Variants in DLGAP2 observed in about 807,000 individuals in gnomAD.
DLGAP2 encodes disks large-associated protein 2.
In DLGAP2, 26 loss-of-function variants were observed where a neutral mutation model predicts 100.3. The ratio of observed to expected loss-of-function variants is 0.26; its 90% CI spans 0.19 to 0.36. The LOEUF (loss-of-function observed/expected upper bound fraction) is 0.36. Among genes scored for constraint, DLGAP2 ranks in the 10% least tolerant of loss-of-function variants. The pLI, the probability that DLGAP2 is intolerant of heterozygous loss-of-function variation, is 1.00. For synonymous variants in DLGAP2, 886 were observed against 630.1 expected (o/e 1.41, Z -6.08); for missense variants, 1,858 against 1,453.2 (o/e 1.28, Z -4.53).
chr8:1,064,179 C>T (rs1003362758), intron 2 of DLGAP2, among the ~76,000 whole-genome samples: 1 of 152,092 alleles, frequency 6.6e-6, no homozygotes, highest in Non-Finnish European at 1.5e-5. Flanking sequence ...AATTCTTGCT[C>T]CCAATTTGCA....
At chr8:902,851 G>GGT (rs1472727894) in intron 1 of DLGAP2, among the ~76,000 whole-genome samples, 1 of 44,766 alleles carries the variant, frequency 2.2e-5, no homozygotes, top group Non-Finnish European at 4.5e-5. Flanking sequence ...TGTTCGGGTA[G>GGT]GGGGGCGGGG....
At chr8:1,201,960 GGT>G (rs1329318884) in intron 2 of DLGAP2, among the ~76,000 whole-genome samples, 4 of 105,112 alleles carry the variant, frequency 3.8e-5, no homozygotes, top group Non-Finnish European at 9.3e-5. Context: ...GTACACATGT[GGT>G]GTGTACAGTA....
In DLGAP2 at chr8:932,205, C is replaced by G. The variant is rs564652885; in HGVS notation, c.73+24239C>G. Among the ~76,000 whole-genome samples, 56 of 152,308 alleles carry G rather than the reference C, an allele frequency of 3.7e-4. 2 individuals carry two copies. The highest frequency in any genetic ancestry group is 1.3e-3 in the African/African-American group (52 of 41,548). On this transcript the variant is annotated intron_variant, in intron 2 of 14. Coordinates refer to ENST00000637795, the MANE Select transcript of DLGAP2 (RefSeq NM_001346810.2). The stretch of plus-strand genomic sequence containing the variant: ...CTTTGGCCTCTAGACACTTTCCTGA[C>G]CAAAGTCCATAAACACACATGCAGT...
intron 13 of DLGAP2, among the ~76,000 whole-genome samples, chr8:1,696,879 A>G (rs761932811): frequency 6.6e-6 from 1 of 152,228 alleles, no homozygotes; most frequent in Non-Finnish European, 1.5e-5. Context: ...TGAAGCATTT[A>G]GAAACTCTCC....
rs148284458 is a variant in DLGAP2, at chr8:1,259,406, T to G, written c.106+523T>G. Among the ~76,000 whole-genome samples the G allele has an allele frequency of 3.4e-3, 519 of 152,364 alleles. 2 individuals carry two copies. Among genetic ancestry groups the G allele is most frequent in the South Asian group, 0.018 (86 of 4,830 alleles). On this transcript the variant is annotated intron_variant, in intron 3 of 14. Transcript: ENST00000637795. The stretch of plus-strand genomic sequence containing the variant: ...AAGTAGGGCCCCTGAGTCTGTCATT[T>G]GTTGACTGTTTGGAACTAGTGAAAG...
intron 2 of DLGAP2, among the ~76,000 whole-genome samples, chr8:960,074 C>T (rs1052387559): frequency 1.3e-5 from 2 of 151,916 alleles, no homozygotes; most frequent in Non-Finnish European, 2.9e-5. Flanking sequence ...TAGTTAGGCT[C>T]TAAGTTTAAA....
intron 3 of DLGAP2, among the ~76,000 whole-genome samples, chr8:1,424,999 C>T (rs1012375888): frequency 6.6e-6 from 1 of 152,140 alleles, no homozygotes; most frequent in Non-Finnish European, 1.5e-5. Flanking sequence ...CTGAAATAGA[C>T]AAAAATGCCC....
At chr8:1,408,547 G>A (rs1341559330) in intron 3 of DLGAP2, among the ~76,000 whole-genome samples, 1 of 152,244 alleles carries the variant, frequency 6.6e-6, no homozygotes, top group Admixed American at 6.5e-5. Flanking sequence ...TGGGACTCCA[G>A]CATTGTCAGG....
chr8:1,175,951 G>T (rs540494521), intron 2 of DLGAP2, among the ~76,000 whole-genome samples: 1 of 152,178 alleles, frequency 6.6e-6, no homozygotes, highest in Admixed American at 6.5e-5. Context: ...AGGACAAAGC[G>T]ATTCGCAGAT....
chr8:1,553,130 C>T (rs1472312401), intron 5 of DLGAP2, among the ~76,000 whole-genome samples: 2 of 152,152 alleles, frequency 1.3e-5, no homozygotes, highest in African/African-American at 4.8e-5. Context: ...GACAGCGGGG[C>T]CCCTGCTGCA....
At chr8:1,311,532 A>G (rs1468908711) in intron 3 of DLGAP2, among the ~76,000 whole-genome samples, 1 of 152,204 alleles carries the variant, frequency 6.6e-6, no homozygotes, top group Non-Finnish European at 1.5e-5. Flanking sequence ...TTTTCCACAG[A>G]ATACCAGCAA....
intron 2 of DLGAP2, among the ~76,000 whole-genome samples, chr8:1,096,876 G>C (rs1369036670): frequency 2.0e-4 from 27 of 136,070 alleles, no homozygotes; most frequent in South Asian, 2.4e-4. Flanking sequence ...CTGTGGCATG[G>C]AGAGGTCTCC....
chr8:1,307,791 C>T (rs931488836), intron 3 of DLGAP2, among the ~76,000 whole-genome samples: 1 of 152,078 alleles, frequency 6.6e-6, no homozygotes, highest in Non-Finnish European at 1.5e-5. Context: ...CTGTGATTCC[C>T]CTCACATGAG....
rs547239261 is a variant in DLGAP2 at position 887,628 on chromosome 8, A to G, written c.19-20284A>G. ...AAAGGATTTTATTTCTCCTTCACTTATGAAGCTTAGTTTGGCTGGATATGA... is the reference window on the plus strand; with the variant it reads ...AAAGGATTTTATTTCTCCTTCACTTGTGAAGCTTAGTTTGGCTGGATATGA... On this transcript the variant is annotated intron_variant, in intron 1 of 14. Coordinates refer to ENST00000637795, the MANE Select transcript of DLGAP2 (RefSeq NM_001346810.2). 3.3e-5 allele frequency among the ~76,000 whole-genome samples: 5 copies of G among 152,292 alleles called. No individual in the cohort carries two copies. In the South Asian group the frequency reaches 1.0e-3, roughly 32 times the overall value.
At chr8:1,039,292 C>T (rs911283615) in intron 2 of DLGAP2, among the ~76,000 whole-genome samples, 1 of 147,234 alleles carries the variant, frequency 6.8e-6, no homozygotes, top group African/African-American at 2.6e-5. Context: ...CCATGGTCGG[C>T]TCGGTTTCCA....
At chr8:1,281,763 G>A (rs1347536982) in intron 3 of DLGAP2, among the ~76,000 whole-genome samples, 2 of 152,230 alleles carry the variant, frequency 1.3e-5, no homozygotes, top group Non-Finnish European at 2.9e-5. Context: ...GGAGTCAGCT[G>A]TATGAGATGG....
At chr8:751,406 G>A (rs563677870) in intron 1 of DLGAP2, among the ~76,000 whole-genome samples, 8 of 152,196 alleles carry the variant, frequency 5.3e-5, no homozygotes, top group South Asian at 2.1e-4. Flanking sequence ...TCTGACAGTC[G>A]CTCAGGAGGT....
chr8:1,020,785 G>A (rs753201882), intron 2 of DLGAP2, among the ~76,000 whole-genome samples: 2 of 152,200 alleles, frequency 1.3e-5, no homozygotes, highest in African/African-American at 2.4e-5. Flanking sequence ...GAGAGCTGGG[G>A]CTCCAGCCAC....
chr8:1,494,410 G>A (rs1013750028), intron 3 of DLGAP2, among the ~76,000 whole-genome samples: 4 of 152,178 alleles, frequency 2.6e-5, no homozygotes, highest in Non-Finnish European at 5.9e-5. Flanking sequence ...CTTGCAGTTG[G>A]CATTCACGGG....
Sources: allele counts gnomAD v4.1 joint callset (sites outside exome capture counted in the v4.1 genomes callset), GRCh38; gene constraint gnomAD v4.1.1; transcripts MANE v1.5; gene names NCBI Gene and HGNC (gene_info 2026-07-23, HGNC 2026-07-21).